Variants in ZNF100 observed in about 807,000 individuals in gnomAD.
The protein encoded by ZNF100 is zinc finger protein 100 (Y1).
In ZNF100, 12 loss-of-function variants were observed where a neutral mutation model predicts 15.8. The ratio of observed to expected loss-of-function variants is 0.76; its 90% CI spans 0.49 to 1.23. ZNF100 has a LOEUF of 1.23. Among genes scored for constraint, ZNF100 ranks in the 50% most tolerant of loss-of-function variants. ZNF100 has a pLI of 0.00. For synonymous variants in ZNF100, 226 were observed against 214.8 expected (o/e 1.05, Z -0.45); for missense variants, 670 against 635.6 (o/e 1.05, Z -0.58).
rs370301991 is a variant in ZNF100, at chr19:21,767,409, C to T, written c.3+18G>A. ...GCCCTTTCGCCGTCTCTCGGGATGT[C>T]GGACCGGGCACTCTCACCATTTCTA... On this transcript the variant is annotated intron_variant, in intron 1 of 4. Transcript: ENST00000358296. 1.2e-6 allele frequency: 2 copies of T among 1,608,958 alleles called. No individual in the cohort carries two copies. Among genetic ancestry groups the T allele is most frequent in the Admixed American group, 3.3e-5 (2 of 59,920 alleles).
intron 4 of ZNF100, 45 bp from the exon 5 acceptor site, chr19:21,728,034 G>A (rs950102662): frequency 2.1e-6 from 3 of 1,426,012 alleles, no homozygotes. Context: ...ACTAGACACA[G>A]ATAGTTTACA....
chr19:21,727,964 G>A lies in ZNF100; in HGVS notation c.348C>T (p.Asp116=), dbSNP rs1462854703. 6 of 1,533,016 alleles carry A rather than the reference G, an allele frequency of 3.9e-6. No individual in the cohort carries two copies. Among genetic ancestry groups the A allele is most frequent in the East Asian group, 2.3e-5 (1 of 44,054 alleles). 95.0% of individuals were successfully genotyped at this position (1,533,016 alleles called of 1,614,324 possible). Residue 116 remains aspartate, a synonymous_variant, in exon 5 of 5, where the codon GAC becomes GAT. Coordinates refer to ENST00000358296, the MANE Select transcript of ZNF100 (RefSeq NM_173531.4). ...PPVICSHFPQ[D]LWAEQDIKDS... is the part of the protein sequence containing the mutation. ...CTTTAATGTCCTGCTCTGCCCAAAG[G>A]TCTTGGGGAAAATGAGAACATATAA...
chr19:21,760,401 G>A (rs1007279363), intron 2 of ZNF100, among the ~76,000 whole-genome samples: 9 of 150,316 alleles, frequency 6.0e-5, no homozygotes, highest in East Asian at 2.0e-4. Flanking sequence ...AGGCTGAGGC[G>A]GGAGAATCGC....
At chr19:21,750,989 G>A (rs2036298059) in intron 2 of ZNF100, 2 of 1,144,938 alleles carry the variant, frequency 1.7e-6, no homozygotes, top group African/African-American at 1.6e-5. Context: ...CGCTTCTGTG[G>A]AGCCTACCAG....
At chr19:21,741,503 T>A (rs2036107176) in intron 4 of ZNF100, among the ~76,000 whole-genome samples, 1 of 151,994 alleles carries the variant, frequency 6.6e-6, no homozygotes, top group South Asian at 2.1e-4. Context: ...GCCTCCCGAG[T>A]AGCTGGGATT....
Position 21,727,411 on chromosome 19 carries a change from A to C in ZNF100, c.901T>G (p.Ser301Ala). ...CEECGKAFNR[S>A]SHLTTHKRIH... is the part of the protein sequence containing the mutation. The stretch of plus-strand genomic sequence containing the variant: ...CTTTTATGTGTAGTAAGGTGTGAAG[A>C]CCGGTTAAAAGCTTTCCCACATTCT... Residue 301 changes from serine to alanine, a missense_variant, in exon 5 of 5, where the codon TCT becomes GCT. Coordinates refer to ENST00000358296, the MANE Select transcript of ZNF100 (RefSeq NM_173531.4). The C allele has an allele frequency of 1.2e-6, 2 of 1,612,806 alleles. No homozygotes were observed. The highest frequency in any genetic ancestry group is 1.7e-6 in the Non-Finnish European group (2 of 1,179,672).
At chr19:21,748,265 G>A (rs1191573073) in intron 2 of ZNF100, among the ~76,000 whole-genome samples, 1 of 152,110 alleles carries the variant, frequency 6.6e-6, no homozygotes, top group Non-Finnish European at 1.5e-5. Context: ...AGGATTTACC[G>A]GCCAAAACTC....
intron 2 of ZNF100, among the ~76,000 whole-genome samples, chr19:21,761,113 G>C (rs985936387): frequency 4.6e-5 from 7 of 152,070 alleles, no homozygotes; most frequent in Admixed American, 3.3e-4. Flanking sequence ...CTATCAAACA[G>C]AACAGGAATT....
At chr19:21,751,842 G>A in intron 2 of ZNF100, 1 of 831,966 alleles carries the variant, frequency 1.2e-6, no homozygotes, top group Non-Finnish European at 2.0e-6. Flanking sequence ...AAAGACTTGT[G>A]TGGAGCAGCT....
chr19:21,727,213 G>A lies in ZNF100; in HGVS notation c.1099C>T (p.His367Tyr), dbSNP rs2035814352. 7 of 1,613,560 alleles carry A rather than the reference G, an allele frequency of 4.3e-6. No individual in the cohort carries two copies. Among genetic ancestry groups the A allele is most frequent in the Non-Finnish European group, 5.1e-6 (6 of 1,179,906 alleles). Residue 367 changes from histidine to tyrosine, a missense_variant, in exon 5 of 5, where the codon CAT becomes TAT. Physicochemically the swap from His to Tyr is moderately conservative, Grantham distance 83. Coordinates refer to ENST00000358296, the MANE Select transcript of ZNF100 (RefSeq NM_173531.4). ...CATTTGTAAGGTTTCTCTCCAGCATGAGTTATCTTATGTGTAGTAAGGGTT... is the reference window on the plus strand; with the variant it reads ...CATTTGTAAGGTTTCTCTCCAGCATAAGTTATCTTATGTGTAGTAAGGGTT... ...SSTLTTHKIT[H>Y]AGEKPYKCEE...
At chr19:21,738,908 G>A (rs949674304) in intron 4 of ZNF100, among the ~76,000 whole-genome samples, 15 of 151,982 alleles carry the variant, frequency 9.9e-5, no homozygotes, top group African/African-American at 2.7e-4. Context: ...TGGTACCATT[G>A]CACTCCAGCC....
chr19:21,732,902 A>G (rs1227747357), intron 4 of ZNF100, among the ~76,000 whole-genome samples: 1 of 152,156 alleles, frequency 6.6e-6, no homozygotes, highest in African/African-American at 2.4e-5. Context: ...AATTCAGGGC[A>G]TTTATTACAA....
chr19:21,746,566 T>C (rs2036215127), intron 2 of ZNF100, among the ~76,000 whole-genome samples: 9 of 152,160 alleles, frequency 5.9e-5, no homozygotes, highest in Admixed American at 5.9e-4. Context: ...ACATTTTTAA[T>C]AGTGCAGATC....
At chr19:21,759,948 C>T (rs1450067583) in intron 2 of ZNF100, among the ~76,000 whole-genome samples, 1 of 152,088 alleles carries the variant, frequency 6.6e-6, no homozygotes, top group Non-Finnish European at 1.5e-5. Flanking sequence ...TTTCGGAGGC[C>T]GAGATGGGTG....
At chr19:21,728,039 T>C in intron 4 of ZNF100, 50 bp from the exon 5 acceptor site, 2 of 1,414,778 alleles carry the variant, frequency 1.4e-6, no homozygotes, top group Non-Finnish European at 1.8e-6. Context: ...ACACAGATAG[T>C]TTACAAATCT....
chr19:21,742,933 A>G (rs528135448), intron 4 of ZNF100: 16 of 152,192 alleles, frequency 1.1e-4, no homozygotes, highest in Non-Finnish European at 2.1e-4. Flanking sequence ...TCTTTACAAT[A>G]AAAGATATAA....
At chr19:21,731,483 A>G (rs2035919394) in intron 4 of ZNF100, among the ~76,000 whole-genome samples, 1 of 151,630 alleles carries the variant, frequency 6.6e-6, no homozygotes, top group African/African-American at 2.4e-5. Context: ...TAATTTTTGT[A>G]TTTTTAGCAG....
In ZNF100 at chr19:21,723,781, T is replaced by A. The variant is rs764041478; in HGVS notation, c.*2902A>T. 2.0e-5 allele frequency: 3 copies of A among 152,152 alleles called. No homozygotes were observed. The highest frequency in any genetic ancestry group is 2.9e-5 in the Non-Finnish European group (2 of 68,028). 9.4% of individuals were successfully genotyped at this position (152,152 alleles called of 1,614,324 possible). On this transcript the variant is annotated 3_prime_UTR_variant, in exon 5 of 5. Coordinates refer to ENST00000358296, the MANE Select transcript of ZNF100 (RefSeq NM_173531.4). ...TTTGCTACATTTAAATATAAAAACATCCTCACGACTTATAAAGCTTCCCTA... is the reference window on the plus strand; with the variant it reads ...TTTGCTACATTTAAATATAAAAACAACCTCACGACTTATAAAGCTTCCCTA...
intron 2 of ZNF100, among the ~76,000 whole-genome samples, chr19:21,749,149 T>C (rs1459997195): frequency 6.6e-6 from 1 of 152,212 alleles, no homozygotes; most frequent in East Asian, 1.9e-4. Flanking sequence ...ATCTATTTTT[T>C]GAATGACCTT....
Sources: gnomAD v4.1 joint callset for allele counts (sites outside exome capture counted in the v4.1 genomes callset) on GRCh38, gnomAD v4.1.1 for gene constraint, MANE v1.5 for transcripts, NCBI Gene and HGNC (gene_info 2026-07-23, HGNC 2026-07-21) for gene names.